Variants in CDH13 observed in about 807,000 individuals in gnomAD.
CDH13 encodes cadherin-13.
In CDH13, 24 loss-of-function variants were observed where a neutral mutation model predicts 63.8. That is an observed-to-expected ratio of 0.38 (90% CI 0.27 to 0.53). CDH13 has a LOEUF of 0.53. Among genes scored for constraint, CDH13 ranks in the 20% least tolerant of loss-of-function variants. The probability of loss-of-function intolerance (pLI) is 0.85; values close to 1 mark genes in which losing one functional copy is unlikely to be tolerated. For synonymous variants in CDH13, 503 were observed against 355.3 expected (o/e 1.42, Z -4.67); for missense variants, 1,049 against 903.1 (o/e 1.16, Z -2.07).
At chr16:83,393,590 A>G (rs539282066) in intron 6 of CDH13, among the ~76,000 whole-genome samples, 36 of 152,330 alleles carry the variant, frequency 2.4e-4, no homozygotes, top group African/African-American at 7.9e-4. Context: ...AGACATAGAC[A>G]TATATGTTAT....
At chr16:83,156,898 T>G (rs913422998) in intron 4 of CDH13, among the ~76,000 whole-genome samples, 1 of 152,224 alleles carries the variant, frequency 6.6e-6, no homozygotes, top group Non-Finnish European at 1.5e-5. Flanking sequence ...CCTTCTGACA[T>G]TGCAGATGAA....
intron 2 of CDH13, among the ~76,000 whole-genome samples, chr16:82,999,897 C>G (rs985097867): frequency 6.6e-6 from 1 of 152,034 alleles, no homozygotes; most frequent in East Asian, 1.9e-4. Flanking sequence ...GACAATTTCA[C>G]CCCCTGAGGG....
chr16:83,678,598 G>A (rs149435117), intron 10 of CDH13, 137 bp downstream of exon 10: 75 of 1,128,958 alleles, frequency 6.6e-5, no homozygotes, highest in Middle Eastern at 3.0e-4. Flanking sequence ...GGAGGAAAGC[G>A]TCATAGAGAG....
chr16:83,483,522 T>A (rs1443661517), intron 6 of CDH13, among the ~76,000 whole-genome samples: 1 of 151,876 alleles, frequency 6.6e-6, no homozygotes, highest in East Asian at 1.9e-4. Context: ...TTGCAAGCCA[T>A]GATGACTTCA....
At chr16:83,000,868 C>G (rs1346314340) in intron 2 of CDH13, among the ~76,000 whole-genome samples, 1 of 152,170 alleles carries the variant, frequency 6.6e-6, no homozygotes, top group African/African-American at 2.4e-5. Context: ...CGTGAGCCAC[C>G]GCGCCTGGCC....
chr16:83,485,071 A>G (rs1216777668), intron 6 of CDH13, among the ~76,000 whole-genome samples: 1 of 152,192 alleles, frequency 6.6e-6, no homozygotes, highest in Admixed American at 6.5e-5. Context: ...AGTTTCCCAC[A>G]TTAGAACCCA....
chr16:83,011,646 G>A (rs1176383470), intron 2 of CDH13, among the ~76,000 whole-genome samples: 1 of 152,230 alleles, frequency 6.6e-6, no homozygotes, highest in Non-Finnish European at 1.5e-5. Context: ...GAATGCCACT[G>A]AGGGTTCGGG....
chr16:82,782,814 G>T (rs562516434), intron 1 of CDH13, among the ~76,000 whole-genome samples: 1 of 152,184 alleles, frequency 6.6e-6, no homozygotes, highest in Non-Finnish European at 1.5e-5. Flanking sequence ...ACAGGAGCAG[G>T]CTGCCTTTCA....
At chr16:83,713,818 T>C (rs146405702) in intron 10 of CDH13, among the ~76,000 whole-genome samples, 1 of 152,208 alleles carries the variant, frequency 6.6e-6, no homozygotes, top group African/African-American at 2.4e-5. Context: ...GCCCTGCATG[T>C]GCCGTCAGGG....
chr16:83,031,173 C>T (rs1349093343), intron 2 of CDH13, among the ~76,000 whole-genome samples: 2 of 144,568 alleles, frequency 1.4e-5, no homozygotes, highest in Non-Finnish European at 3.1e-5. Context: ...TAGGTATATA[C>T]ATGCGCATGT....
rs201658438 is a variant in CDH13, at chr16:83,618,770, TTAATAAA to T, written c.1101+16182_1101+16188del. Among the ~76,000 whole-genome samples the T allele has an allele frequency of 6.2e-3, 945 of 152,202 alleles. 6 individuals are homozygous for T. Among genetic ancestry groups the T allele is most frequent in the African/African-American group, 0.021 (877 of 41,536 alleles). On this transcript the variant is annotated intron_variant, in intron 8 of 13. Coordinates refer to ENST00000567109, the MANE Select transcript of CDH13 (RefSeq NM_001257.5). ...GAAAAAAAATCAAGAAAACTCAATG[TTAATAAA>T]TAATACATAAAGGAATCGTTAGAGT...
intron 11 of CDH13, among the ~76,000 whole-genome samples, chr16:83,771,485 C>T (rs1163094636): frequency 6.6e-6 from 1 of 152,180 alleles, no homozygotes; most frequent in African/African-American, 2.4e-5. Context: ...CAAGGGCAAG[C>T]AGAGGTTGAA....
At chr16:83,046,222 C>A (rs1012187298) in intron 3 of CDH13, among the ~76,000 whole-genome samples, 3 of 152,110 alleles carry the variant, frequency 2.0e-5, no homozygotes, top group Admixed American at 2.0e-4. Flanking sequence ...GGAAAGCCTT[C>A]ATCTCACTGG....
chr16:82,856,248 C>A (rs890470382), intron 1 of CDH13, among the ~76,000 whole-genome samples: 1 of 151,252 alleles, frequency 6.6e-6, no homozygotes, highest in African/African-American at 2.4e-5. Flanking sequence ...TGGTGGCGGG[C>A]GCCTGTAGTC....
At chr16:83,012,177 G>C (rs541129447) in intron 2 of CDH13, among the ~76,000 whole-genome samples, 3 of 152,068 alleles carry the variant, frequency 2.0e-5, no homozygotes, top group African/African-American at 4.8e-5. Flanking sequence ...ATGTGTTATA[G>C]TTTAAACACA....
intron 5 of CDH13, among the ~76,000 whole-genome samples, chr16:83,332,109 C>A (rs2090493732): frequency 6.6e-6 from 1 of 151,974 alleles, no homozygotes; most frequent in African/African-American, 2.4e-5. Context: ...ATTATTGTAA[C>A]AATTTTATAA....
At chr16:83,019,334 G>C (rs1334802302) in intron 2 of CDH13, among the ~76,000 whole-genome samples, 1 of 151,980 alleles carries the variant, frequency 6.6e-6, no homozygotes, top group African/African-American at 2.4e-5. Flanking sequence ...CCTACACAAG[G>C]TCAGAATCAT....
chr16:83,302,158 A>C (rs997149941), intron 5 of CDH13, among the ~76,000 whole-genome samples: 5 of 152,178 alleles, frequency 3.3e-5, no homozygotes, highest in Non-Finnish European at 7.3e-5. Context: ...TAAGCTAACA[A>C]AGTTGACAGC....
intron 1 of CDH13, among the ~76,000 whole-genome samples, chr16:82,840,136 A>G (rs2038944069): frequency 6.6e-6 from 1 of 152,146 alleles, no homozygotes. Context: ...ATGAAAGTTA[A>G]CGCTATAATG....
Sources: allele counts gnomAD v4.1 joint callset (sites outside exome capture counted in the v4.1 genomes callset), GRCh38; gene constraint gnomAD v4.1.1; transcripts MANE v1.5; gene names NCBI Gene and HGNC (gene_info 2026-07-23, HGNC 2026-07-21).